ADAMTS9: variants seen among roughly 807,000 people sequenced by gnomAD.
ADAMTS9 encodes the protein ADAM metallopeptidase with thrombospondin type 1 motif 9.
A neutral mutation model predicts 257.1 loss-of-function variants in ADAMTS9; 107 were observed. The observed-to-expected ratio is 0.42, with a 90% CI of 0.36 to 0.49. The LOEUF (loss-of-function observed/expected upper bound fraction) is 0.49, where lower values mean the gene tolerates loss of function less well. ADAMTS9 is among the 20% of genes least tolerant of loss of function. ADAMTS9 has a pLI of 0.03. For missense variants in ADAMTS9, 2,353 were observed against 2,469.1 expected, an observed-to-expected ratio of 0.95 and a Z score of 1.00; for synonymous variants, 982 against 880.9, an observed-to-expected ratio of 1.11 and a Z score of -2.03.
rs749600767 is a variant in ADAMTS9, at chr3:64,649,802, C to G, written c.1464-24G>C. ...TGCTACGGAAACACACAGAAACACA[C>G]AGATGGTGAGAACGGTGGCTGTCAA... On this transcript the variant is annotated intron_variant, in intron 9 of 39. Transcript: ENST00000498707. The G allele has an allele frequency of 9.4e-6, 15 of 1,602,720 alleles. No individual in the cohort carries two copies. The South Asian group carries it at 1.5e-4, about 16-fold the overall frequency.
chr3:64,566,808 C>T (rs1472408652), intron 29 of ADAMTS9, among the ~76,000 whole-genome samples: 2 of 150,918 alleles, frequency 1.3e-5, no homozygotes, highest in Non-Finnish European at 2.9e-5. Flanking sequence ...AGCTAATTAG[C>T]GTGGTATCTT....
At chr3:64,547,228 G>A (rs2083212189) in intron 31 of ADAMTS9, among the ~76,000 whole-genome samples, 1 of 152,146 alleles carries the variant, frequency 6.6e-6, no homozygotes, top group Non-Finnish European at 1.5e-5. Context: ...GTTTCGAAGG[G>A]AGGAGGAGGG....
At chr3:64,610,372 C>A (rs1164734492) in intron 22 of ADAMTS9, among the ~76,000 whole-genome samples, 1 of 152,018 alleles carries the variant, frequency 6.6e-6, no homozygotes, top group Non-Finnish European at 1.5e-5. Flanking sequence ...GAATTGACAT[C>A]TAGAACCTAC....
chr3:64,536,066 C>T (rs2083045884), intron 37 of ADAMTS9, among the ~76,000 whole-genome samples: 1 of 152,156 alleles, frequency 6.6e-6, no homozygotes, highest in Non-Finnish European at 1.5e-5. Flanking sequence ...GCTGACCCAG[C>T]TTCTTTCTGG....
At chr3:64,529,911 C>A (rs915617110) in intron 38 of ADAMTS9, among the ~76,000 whole-genome samples, 1 of 151,876 alleles carries the variant, frequency 6.6e-6, no homozygotes, top group Non-Finnish European at 1.5e-5. Flanking sequence ...CTTGACCACC[C>A]AGGCTCATCC....
At chr3:64,643,781 T>C (rs1700719748) in intron 11 of ADAMTS9, among the ~76,000 whole-genome samples, 1 of 151,998 alleles carries the variant, frequency 6.6e-6, no homozygotes, top group South Asian at 2.1e-4. Context: ...TTAGATTTTT[T>C]AATGCTTTTT....
At chr3:64,592,698 A>C (rs2084285076) in intron 28 of ADAMTS9, 1 of 152,142 alleles carries the variant, frequency 6.6e-6, no homozygotes, top group Non-Finnish European at 1.5e-5. Flanking sequence ...AGGGAAATGC[A>C]GGTTTCTTTT....
At chr3:64,555,630 G>A (rs2083323637) in intron 30 of ADAMTS9, among the ~76,000 whole-genome samples, 2 of 152,178 alleles carry the variant, frequency 1.3e-5, no homozygotes, top group Non-Finnish European at 2.9e-5. Context: ...TGAGTAAGAA[G>A]CCACCAGGGA....
chr3:64,594,522 A>T, intron 27 of ADAMTS9, 88 bp from the exon 28 acceptor site: 1 of 1,517,976 alleles, frequency 6.6e-7, no homozygotes, highest in Non-Finnish European at 9.0e-7. Flanking sequence ...AGCCAAACTC[A>T]ATTATGGCAT....
chr3:64,620,300 T>G (rs1419143301), intron 19 of ADAMTS9, among the ~76,000 whole-genome samples: 1 of 152,234 alleles, frequency 6.6e-6, no homozygotes, highest in Non-Finnish European at 1.5e-5. Flanking sequence ...GCCAATACCC[T>G]TTGATAGGAT....
At chr3:64,579,670 G>T (rs922498809) in intron 28 of ADAMTS9, among the ~76,000 whole-genome samples, 6 of 152,096 alleles carry the variant, frequency 3.9e-5, no homozygotes, top group Non-Finnish European at 8.8e-5. Flanking sequence ...ATGAATGCAT[G>T]AAACAAGTGA....
intron 14 of ADAMTS9, among the ~76,000 whole-genome samples, 163 bp from the exon 15 acceptor site, chr3:64,632,088 TA>T (rs1429736019): frequency 2.6e-5 from 4 of 152,212 alleles, no homozygotes; most frequent in African/African-American, 9.6e-5. Context: ...CCTTGCTATT[TA>T]AAATGTGGTC....
rs1257586497 is a variant in ADAMTS9 at position 64,607,099 on chromosome 3, A to C, written c.3355-20T>G. 3 of 1,611,150 alleles carry C rather than the reference A, an allele frequency of 1.9e-6. No homozygotes were observed. The highest frequency in any genetic ancestry group is 2.5e-6 in the Non-Finnish European group (3 of 1,179,074). On this transcript the variant is annotated intron_variant, in intron 22 of 39. Coordinates refer to ENST00000498707, the MANE Select transcript of ADAMTS9 (RefSeq NM_182920.2). ...ACTGCACTGGAAGAAGGAGGACAAAAGGTATATACAATTCAGCAAATCTTC... is the reference window on the plus strand; with the variant it reads ...ACTGCACTGGAAGAAGGAGGACAAACGGTATATACAATTCAGCAAATCTTC...
chr3:64,680,003 A>G (rs1309929511), intron 3 of ADAMTS9, among the ~76,000 whole-genome samples: 1 of 152,228 alleles, frequency 6.6e-6, no homozygotes, highest in Non-Finnish European at 1.5e-5. Context: ...TTATGGTGGT[A>G]AGAACACAGA....
At chr3:64,638,857 G>C (rs959716985) in intron 12 of ADAMTS9, among the ~76,000 whole-genome samples, 3 of 151,512 alleles carry the variant, frequency 2.0e-5, no homozygotes, top group Non-Finnish European at 4.4e-5. Context: ...TCTTGAATCA[G>C]ATAAATATTG....
chr3:64,557,744 T>C (rs551166764), intron 30 of ADAMTS9, among the ~76,000 whole-genome samples: 2 of 152,362 alleles, frequency 1.3e-5, no homozygotes, highest in African/African-American at 4.8e-5. Flanking sequence ...GCAGATGAGC[T>C]AAGTGAAGTC....
At chr3:64,667,927 A>G (rs780096895) in intron 3 of ADAMTS9, among the ~76,000 whole-genome samples, 15 of 152,278 alleles carry the variant, frequency 9.9e-5, no homozygotes, top group Non-Finnish European at 1.8e-4. Context: ...TATTTGAAGT[A>G]GTATAAGACG....
At chr3:64,609,025 C>G (rs201733496) in intron 22 of ADAMTS9, among the ~76,000 whole-genome samples, 2 of 128,364 alleles carry the variant, frequency 1.6e-5, no homozygotes, top group African/African-American at 6.7e-5. Flanking sequence ...GAAAAAAAAA[C>G]ATGATTATCT....
chr3:64,622,258 G>T lies in ADAMTS9; in HGVS notation c.2626C>A (p.Pro876Thr). The change falls in exon 18 of 40, where the codon CCT (proline) becomes ACT (threonine). Residue 876 changes from proline to threonine, a missense_variant. Around this residue, in one of 3 missense-constraint regions of ADAMTS9, gnomAD observed 1,402 missense variants for 1,441.4 expected, o/e 0.97. Transcript: ENST00000498707. ...YSFNIPIEDKPQQFYWNSHGP... is the reference protein window; with the variant it reads ...YSFNIPIEDKTQQFYWNSHGP... ...TGACTGTTCCAGTAAAACTGCTGAG[G>T]TTTATCTTCAATTGGAATATTGAAA... 5 of 1,613,918 alleles carry T rather than the reference G, an allele frequency of 3.1e-6. No individual in the cohort carries two copies. In the South Asian group the frequency reaches 4.4e-5, roughly 14 times the overall value.
Sources: gnomAD v4.1 joint callset for allele counts (sites outside exome capture counted in the v4.1 genomes callset) on GRCh38, gnomAD v4.1.1 for gene constraint, gnomAD v4.1.1 regional missense constraint, MANE v1.5 for transcripts, NCBI Gene and HGNC (gene_info 2026-07-23, HGNC 2026-07-21) for gene names.